Variants in ATP6V0A1 observed in about 807,000 individuals in gnomAD.
The protein encoded by ATP6V0A1 is ATPase H+ transporting V0 subunit a1, also known as V-type proton ATPase 116 kDa subunit a 1.
A neutral mutation model predicts 105.4 loss-of-function variants in ATP6V0A1; 43 were observed. That is an observed-to-expected ratio of 0.41 (90% CI 0.32 to 0.53). The LOEUF is 0.53. ATP6V0A1 is among the 20% of genes least tolerant of loss of function. The pLI is 0.30. For synonymous variants in ATP6V0A1, 362 were observed against 372.8 expected, an observed-to-expected ratio of 0.97 and a Z score of 0.33; for missense variants, 676 against 1,051.1, an observed-to-expected ratio of 0.64 and a Z score of 4.93.
chr17:42,479,389 A>G (rs947187272), intron 7 of ATP6V0A1, among the ~76,000 whole-genome samples: 1 of 152,264 alleles, frequency 6.6e-6, no homozygotes, highest in African/African-American at 2.4e-5. Flanking sequence ...CCAGTACTTC[A>G]GGAAGTAGAA....
Position 42,520,966 on chromosome 17 carries a change from A to T in ATP6V0A1, c.2421-61A>T, listed in dbSNP as rs987006626. 3 of 1,427,234 alleles carry T rather than the reference A, an allele frequency of 2.1e-6. No homozygotes were observed. The African/African-American group carries it at 4.3e-5, about 20-fold the overall frequency. The allele number at this position is 1,427,234 out of a possible 1,614,324, so 88.4% of individuals were successfully genotyped here. On this transcript the variant is annotated intron_variant, in intron 21 of 21. Coordinates refer to ENST00000343619, the MANE Select transcript of ATP6V0A1 (RefSeq NM_001130021.3). Reference sequence around the variant, plus strand: ...GGGCATCTTTCCTGCCCAACTGTGAAGTCCTAAAAAGCTTCACAAAGTTTC... The same window carrying T: ...GGGCATCTTTCCTGCCCAACTGTGATGTCCTAAAAAGCTTCACAAAGTTTC...
intron 2 of ATP6V0A1, among the ~76,000 whole-genome samples, chr17:42,465,093 A>G (rs913042763): frequency 3.9e-5 from 6 of 152,026 alleles, no homozygotes; most frequent in Admixed American, 6.5e-5. Flanking sequence ...CCCAGGTTCA[A>G]TTGATTCTTG....
At chr17:42,462,691 A>G (rs1308615421) in intron 2 of ATP6V0A1, among the ~76,000 whole-genome samples, 1 of 152,090 alleles carries the variant, frequency 6.6e-6, no homozygotes, top group African/African-American at 2.4e-5. Flanking sequence ...AAGTGCTGGG[A>G]TTACAGGCAT....
At chr17:42,516,256 C>T (rs2092619713) in intron 21 of ATP6V0A1, among the ~76,000 whole-genome samples, 1 of 152,174 alleles carries the variant, frequency 6.6e-6, no homozygotes, top group South Asian at 2.1e-4. Flanking sequence ...GCTGGGTGAC[C>T]CCTGAGCCTC....
rs113859518 is a variant in ATP6V0A1, at chr17:42,514,953, C to T, written c.2420+493C>T. 3.1e-3 allele frequency among the ~76,000 whole-genome samples: 479 copies of T among 152,118 alleles called. 1 individual carries two copies. Among genetic ancestry groups the T allele is most frequent in the Non-Finnish European group, 4.6e-3 (315 of 67,990 alleles). On this transcript the variant is annotated intron_variant, in intron 21 of 21. Coordinates refer to ENST00000343619, the MANE Select transcript of ATP6V0A1 (RefSeq NM_001130021.3). ...GACCCCTGGCAGCTCCATTGTGGAC[C>T]GGAGGGATTCCTGGCTCTATAGGGT...
chr17:42,509,017 C>T (rs2092201803), intron 19 of ATP6V0A1, among the ~76,000 whole-genome samples: 1 of 151,752 alleles, frequency 6.6e-6, no homozygotes, highest in Admixed American at 6.6e-5. Flanking sequence ...CAAACCTTAC[C>T]CTTCCTCCCT....
intron 21 of ATP6V0A1, 112 bp from the exon 22 acceptor site, chr17:42,520,915 G>A (rs971187861): frequency 1.9e-5 from 17 of 916,866 alleles, no homozygotes; most frequent in Admixed American, 4.8e-5. Context: ...CCCCAGGGAA[G>A]GGAGGCTCGG....
intron 14 of ATP6V0A1, chr17:42,496,665 AC>A (rs1162510347): frequency 2.6e-5 from 4 of 152,062 alleles, no homozygotes; most frequent in Non-Finnish European, 4.4e-5. Flanking sequence ...ACATGGTGAA[AC>A]CCCATCTCTA....
chr17:42,492,353 C>T (rs150525955), intron 11 of ATP6V0A1, among the ~76,000 whole-genome samples: 4 of 150,098 alleles, frequency 2.7e-5, no homozygotes, highest in African/African-American at 9.8e-5. Flanking sequence ...TGGGCAACAA[C>T]AAAAAGATGC....
intron 16 of ATP6V0A1, 81 bp from the exon 17 acceptor site, chr17:42,501,116 A>G: frequency 3.2e-6 from 4 of 1,245,154 alleles, no homozygotes; most frequent in Non-Finnish European, 4.6e-6. Context: ...TGTTGGGGGA[A>G]ATTTGTGCCA....
chr17:42,471,472 A>C (rs1487792355), intron 5 of ATP6V0A1: 1 of 150,160 alleles, frequency 6.7e-6, no homozygotes, highest in East Asian at 2.0e-4. Context: ...GGTGGCTCAC[A>C]CCTGTAATCC....
intron 14 of ATP6V0A1, chr17:42,496,014 G>A: frequency 4.7e-6 from 1 of 213,010 alleles, no homozygotes; most frequent in Non-Finnish European, 9.2e-6. Context: ...AGAGGTTGCA[G>A]TGAGCAAGCT....
chr17:42,513,743 T>C, intron 19 of ATP6V0A1, 118 bp from the exon 20 acceptor site: 2 of 933,562 alleles, frequency 2.1e-6, no homozygotes, highest in Non-Finnish European at 3.4e-6. Flanking sequence ...GTGCCATCCA[T>C]GGGAAGTGCA....
At chr17:42,466,348 G>T in intron 2 of ATP6V0A1, 81 bp from the exon 3 acceptor site, 1 of 1,255,260 alleles carries the variant, frequency 8.0e-7, no homozygotes, top group Non-Finnish European at 1.2e-6. Context: ...TTAGTTTTTC[G>T]CTTTGCAGAA....
chr17:42,490,754 C>G, intron 11 of ATP6V0A1, 117 bp downstream of exon 11: 2 of 1,079,774 alleles, frequency 1.9e-6, no homozygotes, highest in Non-Finnish European at 2.6e-6. Context: ...AGCAGCACGA[C>G]TGTAGTTCAC....
chr17:42,483,364 C>CGTTGTT (rs1292121824), intron 9 of ATP6V0A1, among the ~76,000 whole-genome samples: 1 of 151,908 alleles, frequency 6.6e-6, no homozygotes, highest in African/African-American at 2.4e-5. Context: ...CATCTAGAAT[C>CGTTGTT]GTTGTTGCCT....
intron 15 of ATP6V0A1, among the ~76,000 whole-genome samples, chr17:42,499,479 T>A (rs7216927): frequency 0.26 from 38,863 of 148,916 alleles, 5,150 homozygotes; most frequent in South Asian, 0.41. Flanking sequence ...TCAAAAAAAA[T>A]AAATAAATAA....
chr17:42,483,013 A>G, intron 8 of ATP6V0A1, 25 bp from the exon 9 acceptor site: 1 of 1,412,878 alleles, frequency 7.1e-7, no homozygotes. Context: ...ATAAGTTAAG[A>G]AACTTCGATG....
At chr17:42,507,456 C>T (rs1003203068) in intron 17 of ATP6V0A1, 64 bp from the exon 18 acceptor site, 19 of 1,200,476 alleles carry the variant, frequency 1.6e-5, no homozygotes, top group Middle Eastern at 2.0e-4. Flanking sequence ...CATCGCCCTT[C>T]CCACCTCACA....
Sources: allele counts gnomAD v4.1 joint callset (sites outside exome capture counted in the v4.1 genomes callset), GRCh38; gene constraint gnomAD v4.1.1; transcripts MANE v1.5; gene names NCBI Gene and HGNC (gene_info 2026-07-23, HGNC 2026-07-21).